ASH1L: variants seen among roughly 807,000 people sequenced by gnomAD.
ASH1L encodes histone-lysine N-methyltransferase ASH1L.
In ASH1L, 23 loss-of-function variants were observed where a neutral mutation model predicts 269.0. The observed-to-expected ratio is 0.09, with a 90% CI of 0.06 to 0.12. The LOEUF (loss-of-function observed/expected upper bound fraction) is 0.12, where lower values mean the gene tolerates loss of function less well. ASH1L is among the 10% of genes least tolerant of loss of function. The pLI is 1.00. For missense variants in ASH1L, 2,912 were observed against 3,567.8 expected, an observed-to-expected ratio of 0.82 and a Z score of 4.68; for synonymous variants, 1,187 against 1,253.5, an observed-to-expected ratio of 0.95 and a Z score of 1.12.
At chr1:155,456,659 T>C (rs779469608) in intron 4 of ASH1L, among the ~76,000 whole-genome samples, 12 of 152,276 alleles carry the variant, frequency 7.9e-5, no homozygotes, top group Non-Finnish European at 1.6e-4. Context: ...CTACCACAGA[T>C]GTCTCTAAAA....
At chr1:155,474,711 A>T in intron 3 of ASH1L, among the ~76,000 whole-genome samples, 1 of 151,042 alleles carries the variant, frequency 6.6e-6, no homozygotes, top group Non-Finnish European at 1.5e-5. Context: ...AAACAAAAGA[A>T]AAAAAAAAAC....
rs565657576 is a variant in ASH1L at position 155,363,790 on chromosome 1, T to C, written c.6687-3381A>G. Among the ~76,000 whole-genome samples, 13 of 151,108 alleles carry C rather than the reference T, an allele frequency of 8.6e-5. No individual in the cohort carries two copies. The East Asian group carries it at 2.0e-3, about 23-fold the overall frequency. On this transcript the variant is annotated intron_variant, in intron 12 of 27. Coordinates refer to ENST00000392403, the MANE Select transcript of ASH1L (RefSeq NM_018489.3). ...GAGTTCGAGACCAGCCTGGACAACA[T>C]GGCGAAACACTGTCTCTACTAAAAA...
At chr1:155,525,993 T>C (rs1405613741) in intron 1 of ASH1L, among the ~76,000 whole-genome samples, 5 of 152,208 alleles carry the variant, frequency 3.3e-5, no homozygotes, top group Admixed American at 6.5e-5. Flanking sequence ...CTTTAAAATT[T>C]TGTATAATTT....
At chr1:155,474,840 T>C (rs568264310) in intron 3 of ASH1L, among the ~76,000 whole-genome samples, 40 of 152,356 alleles carry the variant, frequency 2.6e-4, no homozygotes, top group Middle Eastern at 3.4e-3. Context: ...CACCATCATG[T>C]TATCTAGACT....
At position 155,335,480 on chromosome 1, in the gene ASH1L, ACT is replaced by A. The variant is rs1440539448; in HGVS notation, c.*2178_*2179del. 2.0e-5 allele frequency: 3 copies of A among 152,708 alleles called. No individual in the cohort carries two copies. Among genetic ancestry groups the A allele is most frequent in the African/African-American group, 7.2e-5 (3 of 41,418 alleles). 9.5% of individuals were successfully genotyped at this position (152,708 alleles called of 1,614,324 possible). On this transcript the variant is annotated 3_prime_UTR_variant, in exon 28 of 28. Transcript: ENST00000392403. ...ACACAGCCTACAGACATGCAGACTA[ACT>A]CTGTATCTATTTGCAGTGATGTAGT...
chr1:155,360,287 T>C lies in ASH1L; in HGVS notation c.6795+14A>G. The C allele has an allele frequency of 6.5e-7, 1 of 1,533,340 alleles. No homozygotes were observed. Among genetic ancestry groups the C allele is most frequent in the Non-Finnish European group, 9.0e-7 (1 of 1,106,752 alleles). The allele number at this position is 1,533,340 out of a possible 1,614,324, so 95.0% of individuals were successfully genotyped here. A position where few individuals can be genotyped will look rare whatever the true frequency, so the allele number is the denominator to read the frequency against. On this transcript the variant is annotated intron_variant, in intron 13 of 27. Coordinates refer to ENST00000392403, the MANE Select transcript of ASH1L (RefSeq NM_018489.3). ...GATAAAGTTCAATCTCCCTCTAGGA[T>C]TTATTATTCTTACCTGTTTTTCCAC...
chr1:155,435,054 T>C (rs915742275), intron 5 of ASH1L, among the ~76,000 whole-genome samples: 1 of 151,452 alleles, frequency 6.6e-6, no homozygotes, highest in East Asian at 1.9e-4. Flanking sequence ...GCTACTTGGG[T>C]GGCTGAGGCA....
intron 4 of ASH1L, among the ~76,000 whole-genome samples, chr1:155,442,455 C>A (rs897055160): frequency 6.6e-6 from 1 of 151,694 alleles, no homozygotes; most frequent in Admixed American, 6.6e-5. Context: ...TGGTCGCAGG[C>A]GCCTTTAATC....
chr1:155,365,142 A>G (rs7340058), intron 12 of ASH1L, among the ~76,000 whole-genome samples: 137,158 of 152,102 alleles, frequency 0.9, 62,334 homozygotes, highest in East Asian at 1. Flanking sequence ...ATGATACTTA[A>G]GAGACCCACA....
intron 1 of ASH1L, among the ~76,000 whole-genome samples, chr1:155,551,431 C>T (rs1017946084): frequency 1.1e-4 from 17 of 151,804 alleles, no homozygotes; most frequent in Non-Finnish European, 1.5e-4. Flanking sequence ...GAGGCCGAGG[C>T]GGGCGGATCA....
intron 3 of ASH1L, among the ~76,000 whole-genome samples, chr1:155,467,524 TTCA>T (rs1664780517): frequency 1.3e-5 from 2 of 152,202 alleles, no homozygotes; most frequent in Admixed American, 6.5e-5. Flanking sequence ...CTTTTAAGTC[TTCA>T]TAAGATTTAA....
chr1:155,433,343 T>G (rs370669734), intron 5 of ASH1L: 59 of 1,589,684 alleles, frequency 3.7e-5, no homozygotes, highest in East Asian at 1.1e-4. Context: ...TGGGTCAGGC[T>G]CTGAGGTGTG....
chr1:155,342,320 G>A (rs959798407), intron 24 of ASH1L, among the ~76,000 whole-genome samples: 2 of 152,178 alleles, frequency 1.3e-5, no homozygotes, highest in African/African-American at 4.8e-5. Flanking sequence ...ACAGCAGAAT[G>A]GATGGAAATA....
intron 7 of ASH1L, among the ~76,000 whole-genome samples, chr1:155,389,751 T>A (rs1255650820): frequency 6.6e-6 from 1 of 152,154 alleles, no homozygotes; most frequent in Admixed American, 6.6e-5. Context: ...TCAAATTATT[T>A]GAGAAAATAC....
At position 155,372,325 on chromosome 1, in the gene ASH1L, T is replaced by C. The variant is rs530922599; in HGVS notation, c.6333-1342A>G. Among the ~76,000 whole-genome samples, 22 of 151,430 alleles carry C rather than the reference T, an allele frequency of 1.5e-4. No homozygotes were observed. In the East Asian group the frequency reaches 3.5e-3, roughly 24 times the overall value. ...TTTTTTTTAATTTATTTTTATTTTT[T>C]TGAGGCAAAGTCTCGCTCTGTCACC... On this transcript the variant is annotated intron_variant, in intron 10 of 27. Transcript: ENST00000392403.
Position 155,457,232 on chromosome 1 carries a change from T to C in ASH1L, c.5086+2565A>G, listed in dbSNP as rs187846897. Among the ~76,000 whole-genome samples, 29 of 152,346 alleles carry C rather than the reference T, an allele frequency of 1.9e-4. No individual in the cohort carries two copies. In the East Asian group the frequency reaches 5.4e-3, roughly 28 times the overall value. ...CTGATAGAGCATATCAAATAATTTATCTTCCTTGTTAGAAATTGTTCAGTA... is the reference window on the plus strand; with the variant it reads ...CTGATAGAGCATATCAAATAATTTACCTTCCTTGTTAGAAATTGTTCAGTA... On this transcript the variant is annotated intron_variant, in intron 4 of 27. Transcript: ENST00000392403.
chr1:155,352,725 A>G lies in ASH1L; in HGVS notation c.7347T>C (p.Asp2449=), dbSNP rs773447020. 6.2e-6 allele frequency: 10 copies of G among 1,609,544 alleles called. No individual in the cohort carries two copies. The East Asian group carries it at 2.0e-4, about 32-fold the overall frequency. ...RLAQIFKEIC[D]GIISYKDSSR... is the part of the protein sequence containing the mutation. ...AGTCACCTTTATAAGAGATGATACC[A>G]TCACAAATTTCTTTGAAGATCTGGG... Residue 2449 remains aspartate (D), a synonymous_variant, in exon 17 of 28, where the codon GAT becomes GAC. Coordinates refer to ENST00000392403, the MANE Select transcript of ASH1L (RefSeq NM_018489.3).
At chr1:155,392,976 C>T (rs774073347) in intron 7 of ASH1L, among the ~76,000 whole-genome samples, 1 of 152,030 alleles carries the variant, frequency 6.6e-6, no homozygotes, top group African/African-American at 2.4e-5. Flanking sequence ...GTGTGAGCCA[C>T]CGCGTCCAGC....
chr1:155,527,523 C>T (rs999893698), intron 1 of ASH1L, among the ~76,000 whole-genome samples: 7 of 145,436 alleles, frequency 4.8e-5, no homozygotes, highest in African/African-American at 1.8e-4. Flanking sequence ...ACTTGACTTA[C>T]GGGATACCTT....
Sources: allele counts gnomAD v4.1 joint callset (sites outside exome capture counted in the v4.1 genomes callset), GRCh38; gene constraint gnomAD v4.1.1; transcripts MANE v1.5; gene names NCBI Gene and HGNC (gene_info 2026-07-23, HGNC 2026-07-21).